Variants in DIAPH3 observed in about 807,000 individuals in gnomAD.
DIAPH3 encodes protein diaphanous homolog 3.
A neutral mutation model predicts 144.3 loss-of-function variants in DIAPH3; 117 were observed. That is an observed-to-expected ratio of 0.81 (90% CI 0.70 to 0.95). The LOEUF (loss-of-function observed/expected upper bound fraction) is 0.95, where lower values mean the gene tolerates loss of function less well. Among genes scored for constraint, DIAPH3 ranks in the 40% least tolerant of loss-of-function variants. The pLI, the probability that DIAPH3 is intolerant of heterozygous loss-of-function variation, is 0.00. For missense variants in DIAPH3, 1,421 were observed against 1,412.7 expected, an observed-to-expected ratio of 1.01 and a Z score of -0.09; for synonymous variants, 519 against 488.9, an observed-to-expected ratio of 1.06 and a Z score of -0.81.
intron 14 of DIAPH3, among the ~76,000 whole-genome samples, chr13:59,980,022 C>T (rs1028201921): frequency 3.3e-5 from 5 of 151,690 alleles, no homozygotes; most frequent in African/African-American, 9.6e-5. Context: ...ATTATTGGAA[C>T]GCTGAGCATG....
At chr13:59,716,349 G>A (rs1397257281) in intron 27 of DIAPH3, among the ~76,000 whole-genome samples, 1 of 152,088 alleles carries the variant, frequency 6.6e-6, no homozygotes, top group Admixed American at 6.5e-5. Context: ...CTAATTTTTT[G>A]TATTTTTAGT....
chr13:59,996,808 G>A (rs945305934), intron 9 of DIAPH3, among the ~76,000 whole-genome samples: 1 of 151,972 alleles, frequency 6.6e-6, no homozygotes, highest in African/African-American at 2.4e-5. Flanking sequence ...AGCCGAAAGA[G>A]GTTAACAACA....
chr13:59,753,417 T>C (rs1453429217), intron 27 of DIAPH3, among the ~76,000 whole-genome samples: 2 of 152,184 alleles, frequency 1.3e-5, no homozygotes, highest in Non-Finnish European at 2.9e-5. Flanking sequence ...CTGAAAAATA[T>C]GTTTTTGTTA....
At chr13:59,726,381 T>C (rs1347385890) in intron 27 of DIAPH3, among the ~76,000 whole-genome samples, 2 of 152,150 alleles carry the variant, frequency 1.3e-5, no homozygotes, top group African/African-American at 2.4e-5. Flanking sequence ...ATAGAACCAG[T>C]TAATCTGAGT....
At chr13:59,697,491 A>AAAGAAG (rs56798577) in intron 27 of DIAPH3, among the ~76,000 whole-genome samples, 11 of 78,082 alleles carry the variant, frequency 1.4e-4, no homozygotes, top group East Asian at 5.2e-4. Context: ...AAAAAAAAAA[A>AAAGAAG]AAGAAGAGGG....
chr13:59,825,382 C>T (rs1392447949), intron 24 of DIAPH3, among the ~76,000 whole-genome samples: 2 of 152,122 alleles, frequency 1.3e-5, no homozygotes, highest in African/African-American at 2.4e-5. Flanking sequence ...TTTTTTATGG[C>T]TGCATAGTAT....
At chr13:59,794,693 G>A (rs1349995717) in intron 25 of DIAPH3, among the ~76,000 whole-genome samples, 2 of 151,268 alleles carry the variant, frequency 1.3e-5, no homozygotes, top group African/African-American at 4.9e-5. Flanking sequence ...TATTTTTATC[G>A]AGGCAGGGTC....
intron 17 of DIAPH3, among the ~76,000 whole-genome samples, chr13:59,936,189 A>C (rs1021694575): frequency 6.6e-6 from 1 of 152,168 alleles, no homozygotes; most frequent in African/African-American, 2.4e-5. Flanking sequence ...CTTAAAGTAC[A>C]TACCTCAAAA....
intron 27 of DIAPH3, among the ~76,000 whole-genome samples, chr13:59,699,123 G>A (rs1285515688): frequency 6.6e-6 from 1 of 152,190 alleles, no homozygotes; most frequent in African/African-American, 2.4e-5. Context: ...CAGCTCACAA[G>A]AGACACACAG....
At chr13:59,953,111 T>C (rs1332417394) in intron 17 of DIAPH3, among the ~76,000 whole-genome samples, 2 of 151,812 alleles carry the variant, frequency 1.3e-5, no homozygotes, top group Non-Finnish European at 1.5e-5. Flanking sequence ...AATTTGGGAG[T>C]TGAGCATGGG....
intron 21 of DIAPH3, among the ~76,000 whole-genome samples, chr13:59,875,539 T>C (rs1165431443): frequency 6.6e-6 from 1 of 150,712 alleles, no homozygotes. Flanking sequence ...AAAAAAAAAA[T>C]CCTGACGAAA....
chr13:60,046,363 T>A (rs2056066314), intron 4 of DIAPH3, among the ~76,000 whole-genome samples: 1 of 152,046 alleles, frequency 6.6e-6, no homozygotes, highest in Admixed American at 6.6e-5. Context: ...CCAAAAGACA[T>A]ATTAAAAAAA....
intron 27 of DIAPH3, among the ~76,000 whole-genome samples, chr13:59,690,826 T>C (rs929811867): frequency 9.2e-5 from 14 of 152,184 alleles, no homozygotes; most frequent in African/African-American, 3.4e-4. Context: ...AGGCCAGGGA[T>C]GCAAGGATGA....
At chr13:59,775,791 C>T (rs34189072) in intron 25 of DIAPH3, among the ~76,000 whole-genome samples, 1 of 152,104 alleles carries the variant, frequency 6.6e-6, no homozygotes, top group East Asian at 1.9e-4. Flanking sequence ...ATCAAAAGGA[C>T]TGCACTCCAT....
chr13:59,672,759 T>C (rs1045660002), intron 27 of DIAPH3, among the ~76,000 whole-genome samples: 4 of 152,216 alleles, frequency 2.6e-5, no homozygotes, highest in Admixed American at 6.5e-5. Flanking sequence ...ATTGAAAATA[T>C]ATAAAAATAA....
intron 13 of DIAPH3, among the ~76,000 whole-genome samples, chr13:59,982,416 A>T: frequency 6.8e-6 from 1 of 146,190 alleles, no homozygotes; most frequent in Non-Finnish European, 1.5e-5. Flanking sequence ...TCCTCTTCCC[A>T]CTCCCCCCAC....
At chr13:60,037,309 G>A (rs1156844592) in intron 5 of DIAPH3, among the ~76,000 whole-genome samples, 1 of 151,872 alleles carries the variant, frequency 6.6e-6, no homozygotes, top group Non-Finnish European at 1.5e-5. Context: ...AATGATGTGT[G>A]TAGAAACATA....
chr13:60,157,533 T>C (rs1173734327), intron 1 of DIAPH3, among the ~76,000 whole-genome samples: 1 of 152,246 alleles, frequency 6.6e-6, no homozygotes, highest in Non-Finnish European at 1.5e-5. Flanking sequence ...AATATGGTTA[T>C]ACAACTGCTT....
At chr13:59,879,491 A>T (rs1201926764) in intron 20 of DIAPH3, 23 bp from the exon 21 acceptor site, 1 of 1,613,008 alleles carries the variant, frequency 6.2e-7, no homozygotes, top group Non-Finnish European at 8.5e-7. Context: ...AAAACAGCAG[A>T]TTTCCTTTAA....
Sources: gnomAD v4.1 joint callset for allele counts (sites outside exome capture counted in the v4.1 genomes callset) on GRCh38, gnomAD v4.1.1 for gene constraint, MANE v1.5 for transcripts, NCBI Gene and HGNC (gene_info 2026-07-23, HGNC 2026-07-21) for gene names.